Variants in SDAD1 observed in about 807,000 individuals in gnomAD.
SDAD1 encodes the protein protein SDA1 homolog.
A neutral mutation model predicts 100.3 loss-of-function variants in SDAD1; 79 were observed. The observed-to-expected ratio is 0.79, with a 90% CI of 0.66 to 0.95. The LOEUF (loss-of-function observed/expected upper bound fraction) is 0.95, where lower values mean the gene tolerates loss of function less well. SDAD1 is among the 40% of genes least tolerant of loss of function. SDAD1 has a pLI of 0.00. For synonymous variants in SDAD1, 267 were observed against 271.4 expected, an observed-to-expected ratio of 0.98 and a Z score of 0.16; for missense variants, 790 against 810.9, an observed-to-expected ratio of 0.97 and a Z score of 0.31.
chr4:75,982,155 T>A, intron 1 of SDAD1, 118 bp from the exon 2 acceptor site: 1 of 615,886 alleles, frequency 1.6e-6, no homozygotes, highest in South Asian at 2.2e-5. Context: ...AAAAAGATAA[T>A]GCAAAAGTAT....
intron 19 of SDAD1, 53 bp from the exon 20 acceptor site, chr4:75,957,462 A>T (rs1419964530): frequency 9.9e-6 from 16 of 1,611,588 alleles, no homozygotes; most frequent in Non-Finnish European, 1.2e-5. Flanking sequence ...CTGTTTCCTG[A>T]TGCTTTCATT....
intron 10 of SDAD1, among the ~76,000 whole-genome samples, chr4:75,969,878 A>G (rs1729766259): frequency 6.6e-6 from 1 of 152,164 alleles, no homozygotes; most frequent in African/African-American, 2.4e-5. Context: ...ACAGGACCCA[A>G]GCATCAGTAC....
chr4:75,969,103 A>G (rs1729720086), intron 11 of SDAD1, among the ~76,000 whole-genome samples, 193 bp downstream of exon 11: 1 of 152,140 alleles, frequency 6.6e-6, no homozygotes, highest in Admixed American at 6.6e-5. Context: ...TGTACAAATT[A>G]ACATCCACAT....
Position 75,957,613 on chromosome 4 carries a change from T to C in SDAD1, c.1674A>G (p.Lys558=). Residue 558 remains lysine (K), a synonymous_variant, in exon 19 of 22, where the codon AAA becomes AAG. Coordinates refer to ENST00000356260, the MANE Select transcript of SDAD1 (RefSeq NM_018115.4). ...SRVLTQEDFQ[K]IRMAQMRKEL... is the part of the protein sequence containing the mutation. ...CTTTTCTCATTTGGGCCATGCGGAT[T>C]TTCTGGAAGTCTTCCTGAGTTAAAA... 6.2e-7 allele frequency: 1 copy of C among 1,614,176 alleles called. No homozygotes were observed. Among genetic ancestry groups the C allele is most frequent in the Non-Finnish European group, 8.5e-7 (1 of 1,180,040 alleles).
intron 11 of SDAD1, among the ~76,000 whole-genome samples, chr4:75,968,179 A>G (rs1340054262): frequency 6.6e-6 from 1 of 152,156 alleles, no homozygotes; most frequent in Non-Finnish European, 1.5e-5. Context: ...TTTCCTGTAG[A>G]GCTCAAACTC....
intron 1 of SDAD1, among the ~76,000 whole-genome samples, chr4:75,982,476 T>C (rs1266741465): frequency 6.6e-6 from 1 of 151,984 alleles, no homozygotes; most frequent in African/African-American, 2.4e-5. Context: ...AGGGAGACCT[T>C]GTCTCTACAA....
chr4:75,986,162 AG>A (rs1382073389), intron 1 of SDAD1, among the ~76,000 whole-genome samples: 3 of 152,106 alleles, frequency 2.0e-5, no homozygotes, highest in Non-Finnish European at 2.9e-5. Flanking sequence ...TCTGTCGCCC[AG>A]GTTTCCGTGC....
Position 75,970,311 on chromosome 4 carries a change from T to A in SDAD1, c.881A>T (p.Gln294Leu). Residue 294 changes from glutamine to leucine, a missense_variant and splice_region_variant, in exon 10 of 22, where the codon CAA (glutamine) becomes CTA (leucine). Gln to Leu is a moderately radical substitution (Grantham distance 113, BLOSUM62 -2). Coordinates refer to ENST00000356260, the MANE Select transcript of SDAD1 (RefSeq NM_018115.4). ...FSAIHLIHDP[Q>L]DFAEKLLKQL... ...ACTCGGACGTCATAATAACGTACCT[T>A]GGGGATCATGAATCAAGTGAATGGC... The A allele has an allele frequency of 6.2e-7, 1 of 1,612,956 alleles. No individual in the cohort carries two copies. The highest frequency in any genetic ancestry group is 1.3e-5 in the African/African-American group (1 of 75,006).
intron 14 of SDAD1, among the ~76,000 whole-genome samples, chr4:75,962,690 A>G (rs1729315322): frequency 6.6e-6 from 1 of 152,230 alleles, no homozygotes; most frequent in Non-Finnish European, 1.5e-5. Context: ...GGCTACATAA[A>G]TGTCTTCTTT....
At chr4:75,973,515 G>T in intron 7 of SDAD1, 124 bp from the exon 8 acceptor site, 13 of 651,354 alleles carry the variant, frequency 2.0e-5, no homozygotes, top group South Asian at 8.7e-5. Context: ...AAGAGTGGTG[G>T]GATTTTTGTT....
chr4:75,957,256 C>T (rs547646332), intron 20 of SDAD1, 69 bp downstream of exon 20: 2 of 1,328,298 alleles, frequency 1.5e-6, no homozygotes, highest in Admixed American at 2.0e-5. Context: ...TGTGGCTATA[C>T]AAGTTCTGGC....
At chr4:75,970,484 GA>G (rs1034772915) in intron 9 of SDAD1, 106 bp from the exon 10 acceptor site, 68 of 751,010 alleles carry the variant, frequency 9.1e-5, no homozygotes, top group Admixed American at 1.8e-4. Flanking sequence ...TCTTTAAAAA[GA>G]AAAAAAACTT....
At chr4:75,952,730 T>C (rs1175376369) in intron 21 of SDAD1, among the ~76,000 whole-genome samples, 1 of 152,242 alleles carries the variant, frequency 6.6e-6, no homozygotes, top group African/African-American at 2.4e-5. Flanking sequence ...AGCCACTAAC[T>C]ACATGTGACT....
At chr4:75,989,027 G>A (rs1469771375) in intron 1 of SDAD1, among the ~76,000 whole-genome samples, 1 of 152,010 alleles carries the variant, frequency 6.6e-6, no homozygotes, top group Non-Finnish European at 1.5e-5. Flanking sequence ...AAAAAAATAT[G>A]TCAGATCATG....
chr4:75,966,515 T>C (rs1052956029), intron 12 of SDAD1, among the ~76,000 whole-genome samples: 3 of 152,230 alleles, frequency 2.0e-5, no homozygotes, highest in Admixed American at 6.5e-5. Flanking sequence ...TGGTCCATGT[T>C]AGATACTGAA....
At chr4:75,954,044 T>C (rs1446025691) in intron 21 of SDAD1, among the ~76,000 whole-genome samples, 1 of 152,118 alleles carries the variant, frequency 6.6e-6, no homozygotes, top group Non-Finnish European at 1.5e-5. Context: ...TGAAACTGTT[T>C]CTGAGATATC....
At chr4:75,973,262 G>T in intron 8 of SDAD1, 55 bp downstream of exon 8, 1 of 1,380,356 alleles carries the variant, frequency 7.2e-7, no homozygotes, top group Non-Finnish European at 1.0e-6. Flanking sequence ...TTTACAATGT[G>T]TACTCAGAGC....
In SDAD1 at chr4:75,950,770, T is replaced by C. The variant is rs142220259; in HGVS notation, c.2044A>G (p.Lys682Glu). The C allele has an allele frequency of 5.0e-6, 8 of 1,592,968 alleles. No individual in the cohort carries two copies. Among genetic ancestry groups the C allele is most frequent in the Non-Finnish European group, 6.9e-6 (8 of 1,163,410 alleles). The part of the protein sequence containing the change: ...QLALRDALLK[K>E]RKRMK ...GGAAGTTACTTCATTCTTTTTCTCT[T>C]TTTCAAAAGTGCATCTCGTAGTGCC... The change falls in exon 22 of 22, where the codon AAG becomes GAG. Residue 682 changes from lysine to glutamate, a missense_variant. Physicochemically the swap from Lys to Glu is moderately conservative, Grantham distance 56. Coordinates refer to ENST00000356260, the MANE Select transcript of SDAD1 (RefSeq NM_018115.4).
At chr4:75,977,479 T>A (rs932589074) in intron 4 of SDAD1, among the ~76,000 whole-genome samples, 167 bp downstream of exon 4, 15 of 152,206 alleles carry the variant, frequency 9.9e-5, no homozygotes, top group African/African-American at 3.4e-4. Context: ...TGGCACAAAG[T>A]ATGCACTCAA....
Sources: gnomAD v4.1 joint callset for allele counts (sites outside exome capture counted in the v4.1 genomes callset) on GRCh38, gnomAD v4.1.1 for gene constraint, MANE v1.5 for transcripts, NCBI Gene and HGNC (gene_info 2026-07-23, HGNC 2026-07-21) for gene names.